Variants in MCPH1 observed in about 807,000 individuals in gnomAD.
MCPH1 encodes the protein microcephalin.
A neutral mutation model predicts 84.5 loss-of-function variants in MCPH1; 104 were observed. The observed-to-expected ratio is 1.23, with a 90% CI of 1.05 to 1.45. The LOEUF is 1.45. MCPH1 is among the 40% of genes most tolerant of loss of function. MCPH1 has a pLI of 0.00. For missense variants in MCPH1, 1,498 were observed against 1,005.7 expected (o/e 1.49, Z -6.62); for synonymous variants, 514 against 366.8 (o/e 1.40, Z -4.58).
chr8:6,603,313 G>C (rs76672968), intron 12 of MCPH1, among the ~76,000 whole-genome samples: 2 of 152,180 alleles, frequency 1.3e-5, no homozygotes, highest in Non-Finnish European at 2.9e-5. Flanking sequence ...GGGGTGGAAT[G>C]GCAATGGAAT....
chr8:6,475,754 G>A (rs1340564570), intron 9 of MCPH1, among the ~76,000 whole-genome samples: 7 of 152,166 alleles, frequency 4.6e-5, no homozygotes, highest in Admixed American at 6.5e-5. Flanking sequence ...TTCCTGCAGG[G>A]AGTTTTAGTT....
At chr8:6,514,535 A>G (rs1815853137) in intron 12 of MCPH1, 3 of 718,314 alleles carry the variant, frequency 4.2e-6, no homozygotes, top group Non-Finnish European at 7.1e-6. Flanking sequence ...CCATTCTTTA[A>G]AGGGGAGACT....
intron 12 of MCPH1, chr8:6,514,627 T>C: frequency 1.3e-6 from 2 of 1,521,602 alleles, no homozygotes; most frequent in Non-Finnish European, 1.8e-6. Context: ...TCTTGAAAGC[T>C]ATTTTTCACA....
intron 12 of MCPH1, among the ~76,000 whole-genome samples, chr8:6,554,422 T>C (rs1253559766): frequency 6.6e-6 from 1 of 152,134 alleles, no homozygotes; most frequent in African/African-American, 2.4e-5. Flanking sequence ...AATGATTGCT[T>C]CTCTATGAGA....
intron 12 of MCPH1, among the ~76,000 whole-genome samples, chr8:6,581,534 C>T (rs1386986457): frequency 6.6e-6 from 1 of 152,226 alleles, no homozygotes; most frequent in African/African-American, 2.4e-5. Flanking sequence ...ATCAGGATCT[C>T]ATGTAATACA....
intron 11 of MCPH1, among the ~76,000 whole-genome samples, chr8:6,489,283 G>A (rs1472071185): frequency 6.6e-6 from 1 of 152,024 alleles, no homozygotes; most frequent in Non-Finnish European, 1.5e-5. Context: ...TTTGATCTCT[G>A]GGCTGTGCCC....
chr8:6,615,958 C>G (rs888612115), intron 12 of MCPH1: 1 of 152,074 alleles, frequency 6.6e-6, no homozygotes, highest in Non-Finnish European at 1.5e-5. Flanking sequence ...TTTAATACCT[C>G]GAGGAGGGTG....
At chr8:6,554,870 T>C (rs2129575229) in intron 12 of MCPH1, among the ~76,000 whole-genome samples, 1 of 152,272 alleles carries the variant, frequency 6.6e-6, no homozygotes, top group East Asian at 1.9e-4. Flanking sequence ...TCTCAGGAGT[T>C]TTTTAATAGG....
Position 6,624,895 on chromosome 8 carries a change from G to C in MCPH1, c.2452+3204G>C, listed in dbSNP as rs112396863. ...TATACTTTTTTTTTTTTTTTTCTGA[G>C]ATGGAGTCTCGCTGTGTCACCAGGC... On this transcript the variant is annotated intron_variant, in intron 13 of 13. Transcript: ENST00000344683. 9.8e-4 allele frequency: 919 copies of C among 940,462 alleles called. 7 individuals are homozygous for C. The African/African-American group carries it at 0.016, about 16-fold the overall frequency. The allele number at this position is 940,462 out of a possible 1,614,324, so 58.3% of individuals were successfully genotyped here.
intron 9 of MCPH1, among the ~76,000 whole-genome samples, chr8:6,475,955 C>T (rs114087611): frequency 0.05 from 7,600 of 152,098 alleles, 395 homozygotes; most frequent in African/African-American, 0.14. Flanking sequence ...CCATTGAGGA[C>T]TGGGGGTGGC....
intron 12 of MCPH1, among the ~76,000 whole-genome samples, chr8:6,617,362 C>G (rs889169885): frequency 1.3e-5 from 2 of 148,942 alleles, no homozygotes; most frequent in African/African-American, 5.0e-5. Flanking sequence ...TCACTGCAAG[C>G]TCCTCCTCCC....
At chr8:6,493,652 G>C (rs749304483) in intron 11 of MCPH1, among the ~76,000 whole-genome samples, 1 of 152,074 alleles carries the variant, frequency 6.6e-6, no homozygotes, top group Non-Finnish European at 1.5e-5. Context: ...TGGTTCAGTG[G>C]GTCTGGGTCT....
chr8:6,600,117 G>C (rs1407213282), intron 12 of MCPH1, among the ~76,000 whole-genome samples: 1 of 152,256 alleles, frequency 6.6e-6, no homozygotes, highest in Non-Finnish European at 1.5e-5. Flanking sequence ...AGTTGCTGGA[G>C]ACACAGAAAT....
chr8:6,441,081 A>G (rs958716968), intron 6 of MCPH1, among the ~76,000 whole-genome samples: 3 of 152,180 alleles, frequency 2.0e-5, no homozygotes, highest in African/African-American at 7.2e-5. Flanking sequence ...ATTGGCTGGA[A>G]TGTGGTCATA....
intron 12 of MCPH1, among the ~76,000 whole-genome samples, chr8:6,603,097 TCA>T (rs1054539829): frequency 2.3e-4 from 35 of 152,116 alleles, no homozygotes; most frequent in Middle Eastern, 3.4e-3. Flanking sequence ...CTGTATTTTC[TCA>T]GTTTCCCCAA....
intron 2 of MCPH1, among the ~76,000 whole-genome samples, chr8:6,409,709 A>C (rs1467688905): frequency 6.6e-6 from 1 of 151,822 alleles, no homozygotes; most frequent in Non-Finnish European, 1.5e-5. Flanking sequence ...ACTGAAAAAT[A>C]TCTGTTAGAT....
In MCPH1 at chr8:6,464,382, C is replaced by T. The variant is rs144449103; in HGVS notation, c.1935+9130C>T. Reference sequence around the variant, plus strand: ...CAGTTGCTTTCAGCCCCCATTAGCACGTTGTTTTTTTCTTGTTATGTATGA... The same window carrying T: ...CAGTTGCTTTCAGCCCCCATTAGCATGTTGTTTTTTTCTTGTTATGTATGA... On this transcript the variant is annotated intron_variant, in intron 9 of 13. Transcript: ENST00000344683. 5.4e-4 allele frequency among the ~76,000 whole-genome samples: 82 copies of T among 152,230 alleles called. 1 individual carries two copies. The highest frequency in any genetic ancestry group is 1.9e-3 in the African/African-American group (80 of 41,528).
intron 12 of MCPH1, among the ~76,000 whole-genome samples, chr8:6,512,883 C>G (rs1014101109): frequency 1.3e-5 from 2 of 152,218 alleles, no homozygotes; most frequent in African/African-American, 4.8e-5. Context: ...AGTTGACTAA[C>G]CATCCCACCT....
At chr8:6,537,568 A>G (rs1338823898) in intron 12 of MCPH1, among the ~76,000 whole-genome samples, 2 of 151,344 alleles carry the variant, frequency 1.3e-5, no homozygotes, top group East Asian at 1.9e-4. Context: ...ATATGTTTAC[A>G]TTAATATATA....
Sources: gnomAD v4.1 joint callset for allele counts (sites outside exome capture counted in the v4.1 genomes callset) on GRCh38, gnomAD v4.1.1 for gene constraint, MANE v1.5 for transcripts, NCBI Gene and HGNC (gene_info 2026-07-23, HGNC 2026-07-21) for gene names.